Variants in MYO16 observed in about 807,000 individuals in gnomAD.
MYO16 encodes the protein unconventional myosin-XVI.
MYO16 carries 94 observed loss-of-function variants against 205.3 expected under a neutral mutation model. That is an observed-to-expected ratio of 0.46 (90% confidence interval 0.39 to 0.54). MYO16 has a LOEUF of 0.54. Among genes scored for constraint, MYO16 ranks in the 20% least tolerant of loss-of-function variants. The probability of loss-of-function intolerance (pLI) is 0.00; values close to 1 mark genes in which losing one functional copy is unlikely to be tolerated. For synonymous variants in MYO16, 988 were observed against 954.0 expected (o/e 1.04, Z -0.66); for missense variants, 2,315 against 2,387.5 (o/e 0.97, Z 0.63).
intron 10 of MYO16, among the ~76,000 whole-genome samples, chr13:108,851,760 A>G (rs1244356206): frequency 6.6e-6 from 1 of 151,954 alleles, no homozygotes; most frequent in East Asian, 1.9e-4. Flanking sequence ...AGCTGGTCTC[A>G]CCACTCCCGC....
At chr13:108,945,020 C>T (rs1003461994) in intron 16 of MYO16, among the ~76,000 whole-genome samples, 4 of 152,134 alleles carry the variant, frequency 2.6e-5, no homozygotes, top group East Asian at 1.9e-4. Context: ...GCCCAGTATG[C>T]GTGCTTGTCT....
chr13:108,587,863 A>G, the MYO16 span, among the ~76,000 whole-genome samples: 3 of 152,202 alleles, frequency 2.0e-5, no homozygotes, highest in South Asian at 2.1e-4. Flanking sequence ...AGCAGAAGCT[A>G]TCATCTGGGT....
chr13:108,645,836 A>G (rs943568759), intron 1 of MYO16, among the ~76,000 whole-genome samples: 3 of 152,114 alleles, frequency 2.0e-5, no homozygotes, highest in Admixed American at 6.6e-5. Flanking sequence ...ACCTTTCCCT[A>G]TGCCAAAGAC....
At chr13:109,034,249 G>A (rs1244045163) in intron 23 of MYO16, among the ~76,000 whole-genome samples, 1 of 152,136 alleles carries the variant, frequency 6.6e-6, no homozygotes. Flanking sequence ...TTTTACAAAT[G>A]TATATGATAT....
the MYO16 span, among the ~76,000 whole-genome samples, chr13:108,588,684 A>G: frequency 2.0e-5 from 3 of 152,164 alleles, no homozygotes; most frequent in South Asian, 6.2e-4. Context: ...GTGATTAGTT[A>G]TGGTGAATTG....
At chr13:108,827,814 C>A (rs532193870) in intron 9 of MYO16, among the ~76,000 whole-genome samples, 1 of 152,140 alleles carries the variant, frequency 6.6e-6, no homozygotes, top group Non-Finnish European at 1.5e-5. Context: ...ACAGCTGCTG[C>A]TGAATATGCC....
At chr13:108,754,614 T>C (rs539223367) in intron 4 of MYO16, among the ~76,000 whole-genome samples, 16 of 152,318 alleles carry the variant, frequency 1.1e-4, no homozygotes, top group South Asian at 6.2e-4. Context: ...TAAAACATTG[T>C]GGCAAATGGC....
At chr13:108,771,915 G>C (rs72668525) in intron 4 of MYO16, among the ~76,000 whole-genome samples, 623 of 152,266 alleles carry the variant, frequency 4.1e-3, no homozygotes, top group Non-Finnish European at 7.4e-3. Flanking sequence ...TATCTTGGTT[G>C]CTTCTAAGTT....
At position 108,669,306 on chromosome 13, in the gene MYO16, A is replaced by G. The variant is rs1881880865; in HGVS notation, c.292+3157A>G. Among the ~76,000 whole-genome samples, 6 of 152,128 alleles carry G rather than the reference A, an allele frequency of 3.9e-5. No homozygotes were observed. In the South Asian group the frequency reaches 1.2e-3, roughly 32 times the overall value. On this transcript the variant is annotated intron_variant, in intron 2 of 34. Coordinates refer to ENST00000457511, the MANE Select transcript of MYO16 (RefSeq NM_001198950.3). ...GCAGGAGGAAGCCTGAGAACTGACC[A>G]TTGCATTTAGGAGTATGGAGGTGAT...
the MYO16 span, among the ~76,000 whole-genome samples, chr13:108,576,212 G>T: frequency 3.9e-5 from 6 of 152,342 alleles, no homozygotes; most frequent in Admixed American, 2.6e-4. Context: ...AGACAGGTCA[G>T]ATGTGGAAAT....
At position 108,945,814 on chromosome 13, in the gene MYO16, T is replaced by G. The variant is rs184207197; in HGVS notation, c.1926-11874T>G. 8.5e-5 allele frequency among the ~76,000 whole-genome samples: 13 copies of G among 152,338 alleles called. No homozygotes were observed. In the East Asian group the frequency reaches 2.3e-3, roughly 27 times the overall value. ...AAAAAAATCTTCCTGAATTTTACTT[T>G]TAAAGATTGCCTGTAGAGTGTACAC... is the stretch of plus-strand genomic sequence containing the variant. On this transcript the variant is annotated intron_variant, in intron 16 of 34. Coordinates refer to ENST00000457511, the MANE Select transcript of MYO16 (RefSeq NM_001198950.3).
At chr13:108,812,290 T>G in intron 7 of MYO16, among the ~76,000 whole-genome samples, 1 of 152,214 alleles carries the variant, frequency 6.6e-6, no homozygotes, top group East Asian at 1.9e-4. Flanking sequence ...TTCATTCATC[T>G]GTATCACCTT....
At chr13:108,498,573 T>G in the MYO16 span, among the ~76,000 whole-genome samples, 1 of 152,194 alleles carries the variant, frequency 6.6e-6, no homozygotes, top group Admixed American at 6.5e-5. Context: ...CATTGTTCTT[T>G]GAGATTTCCA....
Position 109,165,035 on chromosome 13 carries a change from G to T in MYO16, c.5299G>T (p.Glu1767Ter). The T allele has an allele frequency of 6.3e-7, 1 of 1,594,300 alleles. No individual in the cohort carries two copies. The highest frequency in any genetic ancestry group is 1.4e-5 in the African/African-American group (1 of 73,912). Residue 1767 changes from glutamate to a stop codon, truncating the protein, a stop_gained, in exon 33 of 35, where the codon GAA becomes TAA. Coordinates refer to ENST00000457511, the MANE Select transcript of MYO16 (RefSeq NM_001198950.3). LOFTEE classifies it high-confidence loss of function. Reference sequence around the variant, plus strand: ...TTCACTATCTAGTGCTATAACTGCTGAAAATGGAAATTCCATCTCAAATGG... The same window carrying T: ...TTCACTATCTAGTGCTATAACTGCTTAAAATGGAAATTCCATCTCAAATGG... Reference protein sequence around the residue: ...SNSLSSAITAENGNSISNGLP... With the variant: ...SNSLSSAITA
intron 4 of MYO16, among the ~76,000 whole-genome samples, chr13:108,767,026 C>A (rs1885798208): frequency 6.6e-6 from 1 of 152,088 alleles, no homozygotes; most frequent in African/African-American, 2.4e-5. Flanking sequence ...TCAGAGGTAC[C>A]TGCAGGTTTC....
chr13:108,933,519 A>ATG (rs1189194198), intron 16 of MYO16, among the ~76,000 whole-genome samples: 3 of 147,702 alleles, frequency 2.0e-5, no homozygotes, highest in Admixed American at 1.4e-4. Context: ...GTGTGTGTGT[A>ATG]TGTGTGTGTG....
chr13:108,591,620 A>G (rs1230549849), upstream of MYO16, among the ~76,000 whole-genome samples: 6 of 152,262 alleles, frequency 3.9e-5, no homozygotes. Context: ...TTTCCTAACA[A>G]TATTGGACAA....
intron 21 of MYO16, among the ~76,000 whole-genome samples, chr13:109,005,901 AT>A (rs1885372235): frequency 6.6e-6 from 1 of 152,140 alleles, no homozygotes; most frequent in African/African-American, 2.4e-5. Flanking sequence ...AAGTAACTGG[AT>A]TTTTGAGAAA....
chr13:108,531,085 G>A, the MYO16 span, among the ~76,000 whole-genome samples: 1 of 152,156 alleles, frequency 6.6e-6, no homozygotes, highest in Non-Finnish European at 1.5e-5. Context: ...TTGTGCAAAC[G>A]TGGAGTTGGC....
Sources: allele counts gnomAD v4.1 joint callset (sites outside exome capture counted in the v4.1 genomes callset), GRCh38; gene constraint gnomAD v4.1.1; transcripts MANE v1.5; gene names NCBI Gene and HGNC (gene_info 2026-07-23, HGNC 2026-07-21).